Variants in AGMO observed in about 807,000 individuals in gnomAD.
AGMO encodes alkylglycerol monooxygenase.
Under a neutral mutation model 60.2 loss-of-function variants are expected in AGMO, and 75 were observed. The ratio of observed to expected loss-of-function variants is 1.25; its 90% CI spans 1.03 to 1.51. The LOEUF (loss-of-function observed/expected upper bound fraction) is 1.51, where lower values mean the gene tolerates loss of function less well. Among genes scored for constraint, AGMO ranks in the 40% most tolerant of loss-of-function variants. The probability of loss-of-function intolerance (pLI) is 0.00; values close to 1 mark genes in which losing one functional copy is unlikely to be tolerated. For missense variants in AGMO, 763 were observed against 525.5 expected, an observed-to-expected ratio of 1.45 and a Z score of -4.42; for synonymous variants, 261 against 177.1, an observed-to-expected ratio of 1.47 and a Z score of -3.76.
the AGMO span, among the ~76,000 whole-genome samples, chr7:15,119,297 G>A: frequency 1.4e-4 from 21 of 152,054 alleles, no homozygotes; most frequent in South Asian, 4.1e-3. Context: ...CTCCCCAGAA[G>A]TTGATGCTGC....
chr7:15,396,495 A>T (rs181120575), intron 5 of AGMO: 1 of 152,402 alleles, frequency 6.6e-6, no homozygotes, highest in East Asian at 1.9e-4. Context: ...AGGGACCCAA[A>T]GAACGAGCAG....
the AGMO span, among the ~76,000 whole-genome samples, chr7:15,145,807 T>C: frequency 6.6e-6 from 1 of 152,118 alleles, no homozygotes; most frequent in Non-Finnish European, 1.5e-5. Context: ...CCATACAAAT[T>C]GAATAATATA....
chr7:15,329,691 C>G (rs896011962), intron 12 of AGMO, among the ~76,000 whole-genome samples: 1 of 152,118 alleles, frequency 6.6e-6, no homozygotes, highest in Non-Finnish European at 1.5e-5. Flanking sequence ...TATGTTTAAT[C>G]CTCTCAAACC....
At chr7:15,260,057 G>A (rs1254800290) in intron 12 of AGMO, among the ~76,000 whole-genome samples, 1 of 150,064 alleles carries the variant, frequency 6.7e-6, no homozygotes, top group Admixed American at 6.6e-5. Context: ...GCAACAAATA[G>A]CATGATGAAT....
intron 12 of AGMO, among the ~76,000 whole-genome samples, chr7:15,337,195 G>C (rs991121501): frequency 7.2e-5 from 11 of 152,158 alleles, no homozygotes; most frequent in Admixed American, 2.6e-4. Flanking sequence ...TTGGAGTCAA[G>C]CATGACCACT....
At chr7:15,320,537 A>T (rs1026240886) in intron 12 of AGMO, among the ~76,000 whole-genome samples, 1 of 152,112 alleles carries the variant, frequency 6.6e-6, no homozygotes, top group Non-Finnish European at 1.5e-5. Flanking sequence ...TCATGCATTA[A>T]AAGATTCACA....
intron 2 of AGMO, among the ~76,000 whole-genome samples, chr7:15,552,655 A>G (rs1483071213): frequency 6.8e-6 from 1 of 147,904 alleles, no homozygotes; most frequent in African/African-American, 2.5e-5. Context: ...GGCAATCATT[A>G]AAAAGTCAGG....
At chr7:15,387,104 T>A (rs1379785874) in intron 9 of AGMO, among the ~76,000 whole-genome samples, 1 of 152,170 alleles carries the variant, frequency 6.6e-6, no homozygotes, top group Non-Finnish European at 1.5e-5. Flanking sequence ...CTGCATGTAT[T>A]TGTGAAGTTA....
chr7:15,466,335 C>T (rs900963022), intron 3 of AGMO, among the ~76,000 whole-genome samples: 2 of 152,106 alleles, frequency 1.3e-5, no homozygotes, highest in Non-Finnish European at 2.9e-5. Context: ...TTTTATGCAT[C>T]CTTGCTGCTC....
chr7:15,299,738 G>A (rs1194311426), intron 12 of AGMO, among the ~76,000 whole-genome samples: 1 of 151,852 alleles, frequency 6.6e-6, no homozygotes, highest in Non-Finnish European at 1.5e-5. Context: ...TGAGGCAGGA[G>A]AATTGCTCGA....
At position 15,359,294 on chromosome 7, in the gene AGMO, A is replaced by C. The variant is rs1011949318; in HGVS notation, c.1263+6220T>G. Among the ~76,000 whole-genome samples the C allele has an allele frequency of 1.7e-4, 25 of 150,166 alleles. 1 individual carries two copies. The South Asian group carries it at 2.7e-3, about 16-fold the overall frequency. On this transcript the variant is annotated intron_variant, in intron 12 of 12. Transcript: ENST00000342526. ...ACAGAGCAAGACTCCGTCTCAACAA[A>C]AAAAAAAAAAAAAGAAATTAGATTT...
At chr7:15,322,587 TATATAAATATATATAAATATATATAA>T (rs1563086420) in intron 12 of AGMO, among the ~76,000 whole-genome samples, 2 of 37,030 alleles carry the variant, frequency 5.4e-5, no homozygotes, top group African/African-American at 2.7e-4. Flanking sequence ...TATATATAAA[TATATAAATATATATAAATATATATAA>T]ATATATAAAT....
downstream of AGMO, among the ~76,000 whole-genome samples, chr7:15,195,434 C>T (rs1032492653): frequency 2.0e-5 from 3 of 152,188 alleles, no homozygotes; most frequent in African/African-American, 7.2e-5. Context: ...ACATAGGGCC[C>T]AAAGATTGGT....
At chr7:15,335,778 C>T (rs1439104093) in intron 12 of AGMO, among the ~76,000 whole-genome samples, 1 of 152,138 alleles carries the variant, frequency 6.6e-6, no homozygotes, top group African/African-American at 2.4e-5. Flanking sequence ...TAGCAATGTA[C>T]ACACTACATA....
At chr7:15,343,249 C>A (rs535439901) in intron 12 of AGMO, among the ~76,000 whole-genome samples, 1 of 152,064 alleles carries the variant, frequency 6.6e-6, no homozygotes, top group South Asian at 2.1e-4. Context: ...GTAGTAATAT[C>A]TTTAATAGAA....
intron 12 of AGMO, among the ~76,000 whole-genome samples, chr7:15,346,111 A>C (rs1254178760): frequency 1.3e-5 from 2 of 152,200 alleles, no homozygotes; most frequent in African/African-American, 2.4e-5. Flanking sequence ...ATAGCCAAAA[A>C]TTCTGTTAAA....
At chr7:15,403,021 A>G (rs192051629) in intron 5 of AGMO, among the ~76,000 whole-genome samples, 3 of 151,904 alleles carry the variant, frequency 2.0e-5, no homozygotes, top group Non-Finnish European at 4.4e-5. Flanking sequence ...GAAAAAAAAG[A>G]TTTTACAAAC....
intron 12 of AGMO, among the ~76,000 whole-genome samples, chr7:15,267,784 G>A (rs960936866): frequency 2.0e-5 from 3 of 151,888 alleles, no homozygotes; most frequent in African/African-American, 7.2e-5. Context: ...TAACAAAATG[G>A]AAAGTTAACA....
At chr7:15,334,373 G>C (rs2128545877) in intron 12 of AGMO, among the ~76,000 whole-genome samples, 1 of 150,834 alleles carries the variant, frequency 6.6e-6, no homozygotes, top group Middle Eastern at 3.4e-3. Context: ...CTGCTTTCAA[G>C]TAGTCCTGTC....
Sources: allele counts gnomAD v4.1 joint callset (sites outside exome capture counted in the v4.1 genomes callset), GRCh38; gene constraint gnomAD v4.1.1; transcripts MANE v1.5; gene names NCBI Gene and HGNC (gene_info 2026-07-23, HGNC 2026-07-21).